SPOCK1: variants seen among roughly 807,000 people sequenced by gnomAD.
SPOCK1 encodes testican-1.
SPOCK1 carries 23 observed loss-of-function variants against 55.3 expected under a neutral mutation model. The ratio of observed to expected loss-of-function variants is 0.42; its 90% confidence interval spans 0.30 to 0.59. The LOEUF (loss-of-function observed/expected upper bound fraction) is 0.59. SPOCK1 is among the 20% of genes least tolerant of loss of function. The pLI, the probability that SPOCK1 is intolerant of heterozygous loss-of-function variation, is 0.22. For missense variants in SPOCK1, 499 were observed against 552.5 expected (o/e 0.90, Z 0.97); for synonymous variants, 226 against 221.0 (o/e 1.02, Z -0.20).
intron 6 of SPOCK1, among the ~76,000 whole-genome samples, chr5:137,004,918 C>T (rs970928767): frequency 5.5e-4 from 84 of 152,240 alleles, no homozygotes; most frequent in African/African-American, 2.0e-3. Context: ...AGGGAGAGTG[C>T]ACAGATTAAA....
chr5:137,091,831 T>C (rs1434415262), intron 5 of SPOCK1, among the ~76,000 whole-genome samples: 1 of 152,218 alleles, frequency 6.6e-6, no homozygotes, highest in African/African-American at 2.4e-5. Flanking sequence ...GACTGAAAAC[T>C]CTTTGCATAT....
chr5:137,402,974 T>C (rs1219958810), intron 2 of SPOCK1, among the ~76,000 whole-genome samples: 1 of 151,764 alleles, frequency 6.6e-6, no homozygotes, highest in Admixed American at 6.6e-5. Context: ...AACAGGCTCA[T>C]CTCATAGATG....
At chr5:137,181,870 C>A (rs911516533) in intron 3 of SPOCK1, among the ~76,000 whole-genome samples, 1 of 152,202 alleles carries the variant, frequency 6.6e-6, no homozygotes, top group Non-Finnish European at 1.5e-5. Context: ...CTTTCATCCC[C>A]CAGGAGACTG....
In SPOCK1 at chr5:136,975,412, G is replaced by C. The variant is rs1404476829; in HGVS notation, c.*3242C>G. On this transcript the variant is annotated 3_prime_UTR_variant, in exon 11 of 11. Coordinates refer to ENST00000394945, the MANE Select transcript of SPOCK1 (RefSeq NM_004598.4). Reference sequence around the variant, plus strand: ...TTCACATTCCAGATAAGTCTACGTGGAAAAGCATTCAGAATTTACTAGGTT... The same window carrying C: ...TTCACATTCCAGATAAGTCTACGTGCAAAAGCATTCAGAATTTACTAGGTT... 1 of 152,596 alleles carries C rather than the reference G, an allele frequency of 6.6e-6. No homozygotes were observed. The highest frequency in any genetic ancestry group is 1.5e-5 in the Non-Finnish European group (1 of 68,024). 9.5% of individuals were successfully genotyped at this position (152,596 alleles called of 1,614,324 possible). A position where few individuals can be genotyped will look rare whatever the true frequency, so the allele number is the denominator to read the frequency against.
intron 6 of SPOCK1, among the ~76,000 whole-genome samples, chr5:137,014,749 C>A (rs1014111560): frequency 6.6e-6 from 1 of 152,172 alleles, no homozygotes; most frequent in Non-Finnish European, 1.5e-5. Context: ...ATATTAGAAT[C>A]CTGACAAGAA....
intron 2 of SPOCK1, among the ~76,000 whole-genome samples, chr5:137,486,885 C>G (rs1386563153): frequency 6.6e-6 from 1 of 152,176 alleles, no homozygotes; most frequent in Non-Finnish European, 1.5e-5. Flanking sequence ...GGCTCCAGAC[C>G]AGGTCCAGAG....
At chr5:137,429,353 C>T (rs962733708) in intron 2 of SPOCK1, among the ~76,000 whole-genome samples, 17 of 152,338 alleles carry the variant, frequency 1.1e-4, no homozygotes, top group African/African-American at 4.1e-4. Flanking sequence ...AGCTCACCCC[C>T]ACCCCCATTA....
chr5:137,433,466 A>G (rs1752792264), intron 2 of SPOCK1, among the ~76,000 whole-genome samples: 1 of 152,220 alleles, frequency 6.6e-6, no homozygotes, highest in Non-Finnish European at 1.5e-5. Flanking sequence ...TTGTCAATTC[A>G]ATCATTGACC....
In SPOCK1 at chr5:137,262,750, G is replaced by A. The variant is rs1434641; in HGVS notation, c.232+4260C>T. ...GACAAGCCCGTGTCAGTGTAGCTCCGAGAGCTTCAGAGCATCACAACTTGG... is the reference window on the plus strand; with the variant it reads ...GACAAGCCCGTGTCAGTGTAGCTCCAAGAGCTTCAGAGCATCACAACTTGG... On this transcript the variant is annotated intron_variant, in intron 3 of 10. Coordinates refer to ENST00000394945, the MANE Select transcript of SPOCK1 (RefSeq NM_004598.4). Among the ~76,000 whole-genome samples, 375 of 152,266 alleles carry A rather than the reference G, an allele frequency of 2.5e-3. 1 individual carries two copies. The highest frequency in any genetic ancestry group is 8.5e-3 in the African/African-American group (352 of 41,542).
At chr5:137,293,739 G>C (rs867844429) in intron 2 of SPOCK1, among the ~76,000 whole-genome samples, 3 of 152,220 alleles carry the variant, frequency 2.0e-5, no homozygotes, top group Non-Finnish European at 4.4e-5. Flanking sequence ...ACGATGCACC[G>C]GGCGTGGTGG....
At chr5:137,052,315 G>T (rs73790675) in intron 6 of SPOCK1, among the ~76,000 whole-genome samples, 1 of 152,140 alleles carries the variant, frequency 6.6e-6, no homozygotes, top group Non-Finnish European at 1.5e-5. Context: ...GTCACCTACC[G>T]TTAAACTAAA....
At chr5:137,069,360 T>A (rs777711512) in intron 5 of SPOCK1, among the ~76,000 whole-genome samples, 3 of 152,212 alleles carry the variant, frequency 2.0e-5, no homozygotes, top group Non-Finnish European at 4.4e-5. Flanking sequence ...ATTTGTTCAG[T>A]GCCTAGTACG....
At chr5:137,379,659 T>C (rs1017886502) in intron 2 of SPOCK1, among the ~76,000 whole-genome samples, 2 of 152,118 alleles carry the variant, frequency 1.3e-5, no homozygotes, top group South Asian at 2.1e-4. Flanking sequence ...AACTTTACTA[T>C]TGTCTTTGAC....
intron 2 of SPOCK1, among the ~76,000 whole-genome samples, chr5:137,416,084 T>C (rs1315761125): frequency 1.3e-5 from 2 of 151,574 alleles, no homozygotes; most frequent in Non-Finnish European, 2.9e-5. Context: ...ACATGTTACA[T>C]ACAGAGGACA....
At chr5:137,155,379 T>C (rs1269540305) in intron 3 of SPOCK1, among the ~76,000 whole-genome samples, 1 of 152,158 alleles carries the variant, frequency 6.6e-6, no homozygotes, top group Non-Finnish European at 1.5e-5. Context: ...TCAATGGGCC[T>C]GTACTCTACT....
intron 3 of SPOCK1, among the ~76,000 whole-genome samples, chr5:137,213,698 T>C (rs1018204372): frequency 7.9e-5 from 12 of 152,138 alleles, no homozygotes; most frequent in African/African-American, 2.2e-4. Flanking sequence ...ATCTGTAAAA[T>C]AGGGGAACAA....
rs151203477 is a variant in SPOCK1, at chr5:137,128,387, G to A, written c.347+12193C>T. Among the ~76,000 whole-genome samples, 425 of 152,326 alleles carry A rather than the reference G, an allele frequency of 2.8e-3. 3 individuals are homozygous for A. The highest frequency in any genetic ancestry group is 9.6e-3 in the African/African-American group (398 of 41,574). The stretch of plus-strand genomic sequence containing the variant: ...AAATAGCAGGACGCTTTGCACATAT[G>A]ATCCTGAAAACCTCTGTGAGATTAG... On this transcript the variant is annotated intron_variant, in intron 4 of 10. Transcript: ENST00000394945.
intron 3 of SPOCK1, among the ~76,000 whole-genome samples, chr5:137,173,837 C>G (rs1754802271): frequency 6.6e-6 from 1 of 152,184 alleles, no homozygotes; most frequent in Non-Finnish European, 1.5e-5. Flanking sequence ...TGTCTAGCTT[C>G]TATATACCTG....
At chr5:137,103,663 GT>G (rs1414174734) in intron 5 of SPOCK1, among the ~76,000 whole-genome samples, 2 of 152,188 alleles carry the variant, frequency 1.3e-5, no homozygotes, top group Non-Finnish European at 1.5e-5. Flanking sequence ...ATAAGCCTCT[GT>G]TTAATTTGGG....
Sources: gnomAD v4.1 joint callset for allele counts (sites outside exome capture counted in the v4.1 genomes callset) on GRCh38, gnomAD v4.1.1 for gene constraint, MANE v1.5 for transcripts, NCBI Gene and HGNC (gene_info 2026-07-23, HGNC 2026-07-21) for gene names.